Variants in NETO2 observed in about 807,000 individuals in gnomAD.
NETO2 encodes neuropilin and tolloid like 2, also known as neuropilin and tolloid-like protein 2.
In NETO2, 28 loss-of-function variants were observed where a neutral mutation model predicts 62.5. The observed-to-expected ratio is 0.45, with a 90% confidence interval of 0.33 to 0.61. NETO2 has a LOEUF of 0.61. NETO2 is among the 20% of genes least tolerant of loss of function. NETO2 has a pLI of 0.02. For missense variants in NETO2, 548 were observed against 643.2 expected, an observed-to-expected ratio of 0.85 and a Z score of 1.60; for synonymous variants, 214 against 219.1, an observed-to-expected ratio of 0.98 and a Z score of 0.21.
At chr16:47,084,427 C>T (rs1052155513) in intron 8 of NETO2, among the ~76,000 whole-genome samples, 13 of 152,150 alleles carry the variant, frequency 8.5e-5, no homozygotes, top group African/African-American at 2.4e-4. Context: ...TGCGAGTGAG[C>T]GAGTGAAGCT....
intron 6 of NETO2, among the ~76,000 whole-genome samples, chr16:47,115,651 C>A (rs1457825760): frequency 6.8e-6 from 1 of 146,564 alleles, no homozygotes; most frequent in African/African-American, 2.6e-5. Flanking sequence ...CCTCAGCCTC[C>A]CGGGTAGCTG....
intron 1 of NETO2, among the ~76,000 whole-genome samples, chr16:47,136,019 T>A (rs1486874427): frequency 6.6e-6 from 1 of 152,176 alleles, no homozygotes; most frequent in Non-Finnish European, 1.5e-5. Flanking sequence ...GCTGCAAAGA[T>A]AATGAGTCTT....
At chr16:47,142,196 G>C (rs1964473812) in intron 1 of NETO2, among the ~76,000 whole-genome samples, 1 of 152,196 alleles carries the variant, frequency 6.6e-6, no homozygotes. Flanking sequence ...TTAGGAGTTA[G>C]AGATATGAAA....
chr16:47,113,472 G>T (rs992958303), intron 6 of NETO2, among the ~76,000 whole-genome samples: 24 of 151,864 alleles, frequency 1.6e-4, no homozygotes, highest in African/African-American at 5.6e-4. Flanking sequence ...TGTATCCTTT[G>T]AGTCTAGCTC....
chr16:47,138,128 G>A (rs186898173), intron 1 of NETO2, among the ~76,000 whole-genome samples: 6 of 152,268 alleles, frequency 3.9e-5, no homozygotes, highest in Admixed American at 2.6e-4. Context: ...AGGGCCAGGC[G>A]CGGTGACTCA....
Position 47,122,717 on chromosome 16 carries a change from T to C in NETO2, c.594A>G (p.Lys198=), listed in dbSNP as rs1186337537. Residue 198 remains lysine (K), a synonymous_variant, in exon 6 of 9, where the codon AAA becomes AAG. Transcript: ENST00000562435. ...VRSSQVEQEE[K]TKPGQAVDCI... ...AATCAACGGCTTGGCCTGGTTTTGTTTTCTCCTCTTGTTCTACCTGACTAG... is the reference window on the plus strand; with the variant it reads ...AATCAACGGCTTGGCCTGGTTTTGTCTTCTCCTCTTGTTCTACCTGACTAG... 2 of 1,614,038 alleles carry C rather than the reference T, an allele frequency of 1.2e-6. No individual in the cohort carries two copies. Among genetic ancestry groups the C allele is most frequent in the African/African-American group, 1.3e-5 (1 of 74,930 alleles).
intron 6 of NETO2, among the ~76,000 whole-genome samples, chr16:47,121,187 T>C (rs1284400112): frequency 1.3e-5 from 2 of 152,192 alleles, no homozygotes; most frequent in Non-Finnish European, 2.9e-5. Flanking sequence ...GTTTCCTTCT[T>C]GTAGGATACG....
chr16:47,083,141 T>C lies in NETO2; in HGVS notation c.*80A>G, dbSNP rs531800068. 16 of 1,263,736 alleles carry C rather than the reference T, an allele frequency of 1.3e-5. No homozygotes were observed. The African/African-American group carries it at 1.6e-4, about 13-fold the overall frequency. The allele number at this position is 1,263,736 out of a possible 1,614,324, so 78.3% of individuals were successfully genotyped here. On this transcript the variant is annotated 3_prime_UTR_variant, in exon 9 of 9. Transcript: ENST00000562435. ...TCGTAGTTGTGATGGGAGAAAAGGG[T>C]TGGCTGCTGGAAACAGTATGGTGCC...
At chr16:47,138,395 A>G (rs926535011) in intron 1 of NETO2, among the ~76,000 whole-genome samples, 22 of 152,178 alleles carry the variant, frequency 1.4e-4, no homozygotes, top group Admixed American at 3.3e-4. Context: ...GCAAGACTCC[A>G]TCTCAAACAA....
chr16:47,099,576 CAA>C (rs1176570206), intron 7 of NETO2, among the ~76,000 whole-genome samples: 1 of 151,562 alleles, frequency 6.6e-6, no homozygotes, highest in African/African-American at 2.4e-5. Context: ...ATCTCATGTG[CAA>C]AGACATACAT....
In NETO2 at chr16:47,083,562, C is replaced by A; in HGVS notation, c.1237G>T (p.Ala413Ser). The A allele has an allele frequency of 6.2e-7, 1 of 1,614,174 alleles. No individual in the cohort carries two copies. Among genetic ancestry groups the A allele is most frequent in the South Asian group, 1.1e-5 (1 of 91,080 alleles). Residue 413 changes from alanine to serine, a missense_variant, in exon 9 of 9, where the codon GCA becomes TCA. Transcript: ENST00000562435. ...TTGTCCAATTCTTCCGACAAGTCTG[C>A]CAGGTCTGCAGAAATCTCTTTGTCC... ...LRDKEISADLADLSEELDNYQ... is the reference protein window; with the variant it reads ...LRDKEISADLSDLSEELDNYQ...
At position 47,122,868 on chromosome 16, in the gene NETO2, C is replaced by G; in HGVS notation, c.526G>C (p.Asp176His). 1 of 1,613,906 alleles carries G rather than the reference C, an allele frequency of 6.2e-7. No individual in the cohort carries two copies. The highest frequency in any genetic ancestry group is 8.5e-7 in the Non-Finnish European group (1 of 1,179,916). ...AGGAACAAGTGGTAATATACTAAAC[C>G]TGGAATGGGATTTAAAATACCTCCT... ...YLGGILNPIPDCQFELSGADG... is the reference protein window; with the variant it reads ...YLGGILNPIPHCQFELSGADG... The change falls in exon 5 of 9, where the codon GAT becomes CAT. Residue 176 changes from aspartate to histidine, a missense_variant and splice_region_variant. Asp to His is a moderately conservative substitution (Grantham distance 81, BLOSUM62 -1). Transcript: ENST00000562435.
intron 6 of NETO2, among the ~76,000 whole-genome samples, chr16:47,122,119 A>G (rs879354564): frequency 4.2e-4 from 64 of 152,312 alleles, no homozygotes; most frequent in African/African-American, 1.5e-3. Flanking sequence ...ATTAAATGCA[A>G]AAGTATCCAA....
Position 47,079,975 on chromosome 16 carries a change from A to C in NETO2, c.*3246T>G, listed in dbSNP as rs1963034911. Reference sequence around the variant, plus strand: ...CATCAGACATTGGCAGAACCATACAAATGTTCAGAGGCAGACTTTCAGGAG... The same window carrying C: ...CATCAGACATTGGCAGAACCATACACATGTTCAGAGGCAGACTTTCAGGAG... On this transcript the variant is annotated 3_prime_UTR_variant, in exon 9 of 9. Coordinates refer to ENST00000562435, the MANE Select transcript of NETO2 (RefSeq NM_018092.5). 6.6e-6 allele frequency: 1 copy of C among 152,220 alleles called. No individual in the cohort carries two copies. Among genetic ancestry groups the C allele is most frequent in the Non-Finnish European group, 1.5e-5 (1 of 68,042 alleles). 9.4% of individuals were successfully genotyped at this position (152,220 alleles called of 1,614,324 possible). A position where few individuals can be genotyped will look rare whatever the true frequency, so the allele number is the denominator to read the frequency against.
intron 4 of NETO2, among the ~76,000 whole-genome samples, chr16:47,124,294 C>G (rs974442974): frequency 2.0e-5 from 3 of 152,128 alleles, no homozygotes; most frequent in Non-Finnish European, 2.9e-5. Flanking sequence ...CAGGAACTGT[C>G]TGGCAGATTA....
At chr16:47,092,152 C>A (rs776356004) in intron 7 of NETO2, among the ~76,000 whole-genome samples, 1 of 151,810 alleles carries the variant, frequency 6.6e-6, no homozygotes, top group Non-Finnish European at 1.5e-5. Flanking sequence ...CCAGTCCATG[C>A]CCATTTGCTG....
At chr16:47,084,598 C>G (rs1963145083) in intron 8 of NETO2, among the ~76,000 whole-genome samples, 1 of 152,166 alleles carries the variant, frequency 6.6e-6, no homozygotes, top group African/African-American at 2.4e-5. Context: ...GAAATAAACT[C>G]CTGGCTTGGA....
intron 6 of NETO2, among the ~76,000 whole-genome samples, chr16:47,117,699 ATTAGT>A (rs1963950964): frequency 6.6e-6 from 1 of 152,198 alleles, no homozygotes; most frequent in South Asian, 2.1e-4. Context: ...CACTTAAAAA[ATTAGT>A]TTATTTCTCT....
At chr16:47,143,545 G>C in intron 1 of NETO2, 34 bp downstream of exon 1, 1 of 1,221,820 alleles carries the variant, frequency 8.2e-7, no homozygotes, top group Non-Finnish European at 1.0e-6. Flanking sequence ...GGCCCGCAGG[G>C]GGCGCCGTCC....
Sources: allele counts gnomAD v4.1 joint callset (sites outside exome capture counted in the v4.1 genomes callset), GRCh38; gene constraint gnomAD v4.1.1; transcripts MANE v1.5; gene names NCBI Gene and HGNC (gene_info 2026-07-23, HGNC 2026-07-21).